Variants in COBL observed in about 807,000 individuals in gnomAD.
The protein encoded by COBL is cordon-bleu WH2 repeat protein.
A neutral mutation model predicts 98.8 loss-of-function variants in COBL; 51 were observed. That is an observed-to-expected ratio of 0.52 (90% CI 0.41 to 0.65). COBL has a LOEUF of 0.65. Ranked by LOEUF, COBL falls within the 30% of genes least tolerant of loss-of-function variation. The pLI is 0.00. For missense variants in COBL, 1,617 were observed against 1,617.5 expected (o/e 1.00, Z 0.01); for synonymous variants, 634 against 651.7 (o/e 0.97, Z 0.41).
chr7:51,252,045 C>T (rs1796770457), intron 1 of COBL, among the ~76,000 whole-genome samples: 1 of 152,170 alleles, frequency 6.6e-6, no homozygotes. Flanking sequence ...ACACAAACTT[C>T]CTCGATGTCC....
At chr7:51,269,508 C>A (rs1372684006) in intron 1 of COBL, among the ~76,000 whole-genome samples, 2 of 152,194 alleles carry the variant, frequency 1.3e-5, no homozygotes, top group African/African-American at 2.4e-5. Flanking sequence ...GGTGGTGCAT[C>A]GGCAGGACGT....
chr7:51,164,612 G>T (rs887269617), intron 5 of COBL, among the ~76,000 whole-genome samples: 6 of 152,004 alleles, frequency 3.9e-5, no homozygotes, highest in Non-Finnish European at 7.4e-5. Context: ...AAATGCTAAA[G>T]GGAATACTTT....
At chr7:51,314,688 G>C (rs545049178) in intron 1 of COBL, among the ~76,000 whole-genome samples, 6 of 152,198 alleles carry the variant, frequency 3.9e-5, no homozygotes, top group Non-Finnish European at 8.8e-5. Flanking sequence ...GAGAACAATA[G>C]AAGTTAAAAA....
Position 51,027,395 on chromosome 7 carries a change from G to C in COBL, c.3384+317C>G, listed in dbSNP as rs933442269. Among the ~76,000 whole-genome samples, 6 of 152,214 alleles carry C rather than the reference G, an allele frequency of 3.9e-5. No individual in the cohort carries two copies. In the East Asian group the frequency reaches 1.2e-3, roughly 29 times the overall value. On this transcript the variant is annotated intron_variant, in intron 10 of 12. Coordinates refer to ENST00000265136, the MANE Select transcript of COBL (RefSeq NM_015198.5). The stretch of plus-strand genomic sequence containing the variant: ...TTGTTCAAGGATAACCATATGGATG[G>C]GCCTGCCCCTGGCCTCTCCATTCCT...
At chr7:51,181,290 C>T (rs750314285) in intron 5 of COBL, among the ~76,000 whole-genome samples, 32 of 152,190 alleles carry the variant, frequency 2.1e-4, no homozygotes, top group Admixed American at 3.9e-4. Flanking sequence ...AATTATCAGG[C>T]CCAGGGAAGC....
chr7:51,170,277 G>A (rs1787723307), intron 5 of COBL, among the ~76,000 whole-genome samples: 1 of 151,438 alleles, frequency 6.6e-6, no homozygotes, highest in South Asian at 2.1e-4. Context: ...TGTTGACCCT[G>A]TTGTATACCA....
intron 1 of COBL, among the ~76,000 whole-genome samples, chr7:51,230,243 A>C (rs1181640546): frequency 2.0e-5 from 3 of 152,166 alleles, no homozygotes; most frequent in African/African-American, 7.2e-5. Context: ...AGACTGTACC[A>C]GTCTGCTGGT....
chr7:51,018,824 A>G (rs13228984), intron 12 of COBL, among the ~76,000 whole-genome samples: 89,144 of 141,796 alleles, frequency 0.63, 31,695 homozygotes, highest in Non-Finnish European at 0.8. Context: ...CCCGGGAGGT[A>G]GAGGTTGCAT....
At chr7:51,159,582 T>C (rs962100479) in intron 5 of COBL, among the ~76,000 whole-genome samples, 1 of 152,170 alleles carries the variant, frequency 6.6e-6, no homozygotes, top group Non-Finnish European at 1.5e-5. Context: ...ACAGTGGAAA[T>C]AATAGTCATG....
intron 6 of COBL, among the ~76,000 whole-genome samples, chr7:51,100,930 C>CAA (rs1014872717): frequency 1.3e-4 from 19 of 150,188 alleles, no homozygotes; most frequent in African/African-American, 4.7e-4. Context: ...AAAACAACAA[C>CAA]AAAAAAAAAC....
chr7:51,203,461 CAAAAA>C (rs1165738166), intron 2 of COBL, among the ~76,000 whole-genome samples: 1 of 12,072 alleles, frequency 8.3e-5, no homozygotes, highest in Non-Finnish European at 1.5e-4. Flanking sequence ...GACTCCGTCT[CAAAAA>C]AAAAAAAAAA....
chr7:51,233,543 G>A (rs563307014), intron 1 of COBL, among the ~76,000 whole-genome samples: 5 of 152,302 alleles, frequency 3.3e-5, no homozygotes, highest in Middle Eastern at 3.4e-3. Context: ...ACAGCAGGCC[G>A]TGCGCTCTGA....
chr7:51,020,707 A>G (rs1348941234), intron 12 of COBL, among the ~76,000 whole-genome samples: 2 of 152,200 alleles, frequency 1.3e-5, no homozygotes, highest in Non-Finnish European at 2.9e-5. Flanking sequence ...TGGGTGTTCC[A>G]CTGAGGAAGT....
At chr7:51,048,411 A>G (rs1408902668) in intron 7 of COBL, among the ~76,000 whole-genome samples, 1 of 152,178 alleles carries the variant, frequency 6.6e-6, no homozygotes, top group Non-Finnish European at 1.5e-5. Flanking sequence ...TTAATTGTAA[A>G]TTGCCATTTA....
chr7:51,301,098 A>G (rs1801918946), intron 1 of COBL, among the ~76,000 whole-genome samples: 1 of 152,028 alleles, frequency 6.6e-6, no homozygotes, highest in African/African-American at 2.4e-5. Context: ...GTGCGGTGGG[A>G]TACACGCACC....
At chr7:51,165,111 G>T (rs901334003) in intron 5 of COBL, among the ~76,000 whole-genome samples, 1 of 151,768 alleles carries the variant, frequency 6.6e-6, no homozygotes, top group African/African-American at 2.4e-5. Context: ...AAAATAACAG[G>T]ATTGAGTCCT....
chr7:51,306,149 G>C (rs996930080), intron 1 of COBL, among the ~76,000 whole-genome samples: 4 of 152,126 alleles, frequency 2.6e-5, no homozygotes, highest in Admixed American at 2.6e-4. Context: ...CAGGAACACA[G>C]TGACACTAGG....
chr7:51,306,440 T>C (rs1485139961), intron 1 of COBL, among the ~76,000 whole-genome samples: 1 of 152,192 alleles, frequency 6.6e-6, no homozygotes, highest in East Asian at 1.9e-4. Flanking sequence ...GCTTCTACTT[T>C]GAAGGAAGCT....
At chr7:51,074,346 C>A (rs191735650) in intron 7 of COBL, among the ~76,000 whole-genome samples, 1 of 152,036 alleles carries the variant, frequency 6.6e-6, no homozygotes, top group Admixed American at 6.5e-5. Flanking sequence ...TAGGCATGCA[C>A]CGCCATGCCT....
Sources: gnomAD v4.1 joint callset for allele counts (sites outside exome capture counted in the v4.1 genomes callset) on GRCh38, gnomAD v4.1.1 for gene constraint, MANE v1.5 for transcripts, NCBI Gene and HGNC (gene_info 2026-07-23, HGNC 2026-07-21) for gene names.